PDE3A: variants seen among roughly 807,000 people sequenced by gnomAD.
PDE3A encodes the protein cGMP-inhibited 3',5'-cyclic phosphodiesterase 3A.
PDE3A carries 43 observed loss-of-function variants against 98.3 expected under a neutral mutation model. The ratio of observed to expected loss-of-function variants is 0.44; its 90% CI spans 0.34 to 0.56. PDE3A has a LOEUF of 0.56. Among genes scored for constraint, PDE3A ranks in the 20% least tolerant of loss-of-function variants. The probability of loss-of-function intolerance (pLI) is 0.01; values close to 1 mark genes in which losing one functional copy is unlikely to be tolerated. For missense variants in PDE3A, 1,427 were observed against 1,440.7 expected, an observed-to-expected ratio of 0.99 and a Z score of 0.15; for synonymous variants, 663 against 567.9, an observed-to-expected ratio of 1.17 and a Z score of -2.38.
chr12:20,391,495 C>T (rs1943915341), intron 1 of PDE3A, among the ~76,000 whole-genome samples: 1 of 151,112 alleles, frequency 6.6e-6, no homozygotes, highest in African/African-American at 2.4e-5. Flanking sequence ...TCTTTGCTCA[C>T]ATAGTTAAGT....
At chr12:20,477,199 C>T (rs541082627) in intron 1 of PDE3A, among the ~76,000 whole-genome samples, 11 of 152,216 alleles carry the variant, frequency 7.2e-5, no homozygotes, top group Admixed American at 1.3e-4. Flanking sequence ...CTTCAGTGTC[C>T]GTTGCATATA....
intron 1 of PDE3A, among the ~76,000 whole-genome samples, chr12:20,516,627 T>A (rs1035786891): frequency 5.9e-5 from 9 of 152,250 alleles, no homozygotes; most frequent in African/African-American, 2.2e-4. Flanking sequence ...TTTTTCAAGT[T>A]GCTTTCACTG....
chr12:20,519,982 T>C (rs1173863913), intron 1 of PDE3A, among the ~76,000 whole-genome samples: 2 of 152,176 alleles, frequency 1.3e-5, no homozygotes, highest in Non-Finnish European at 1.5e-5. Context: ...ATTTCAATGA[T>C]GATGCAGCTG....
intron 2 of PDE3A, among the ~76,000 whole-genome samples, chr12:20,594,603 G>A (rs746390888): frequency 8.6e-5 from 13 of 151,292 alleles, no homozygotes; most frequent in Non-Finnish European, 1.9e-4. Flanking sequence ...ATGAAATGAC[G>A]CTCATCTTTA....
intron 1 of PDE3A, among the ~76,000 whole-genome samples, chr12:20,529,432 A>G (rs1295938392): frequency 6.6e-6 from 1 of 152,144 alleles, no homozygotes; most frequent in African/African-American, 2.4e-5. Flanking sequence ...CCTAAGCCCT[A>G]ACACCTCAGA....
intron 1 of PDE3A, among the ~76,000 whole-genome samples, chr12:20,429,383 T>C (rs1384204128): frequency 6.6e-6 from 1 of 152,212 alleles, no homozygotes; most frequent in Admixed American, 6.5e-5. Context: ...TGCCTCAAAT[T>C]GTTCCCTGGG....
At chr12:20,441,949 C>A (rs1206930394) in intron 1 of PDE3A, among the ~76,000 whole-genome samples, 1 of 152,190 alleles carries the variant, frequency 6.6e-6, no homozygotes, top group African/African-American at 2.4e-5. Flanking sequence ...TTTGTAACTA[C>A]TTTCCTTTCT....
intron 1 of PDE3A, among the ~76,000 whole-genome samples, chr12:20,531,076 A>G (rs1028350839): frequency 6.6e-6 from 1 of 152,154 alleles, no homozygotes; most frequent in Non-Finnish European, 1.5e-5. Context: ...CTATCAGGAC[A>G]TAGTTATGAC....
Position 20,650,439 on chromosome 12 carries a change from A to T in PDE3A, c.2770-6A>T. The T allele has an allele frequency of 6.3e-7, 1 of 1,584,566 alleles. No individual in the cohort carries two copies. The highest frequency in any genetic ancestry group is 1.1e-5 in the South Asian group (1 of 88,200). The stretch of plus-strand genomic sequence containing the variant: ...AAAACATATATTAACTTTATCTCTC[A>T]AATAGGTAAATGATGATGTTGGAAT... On this transcript the variant is annotated splice_polypyrimidine_tract_variant and splice_region_variant and intron_variant, in intron 13 of 15. Coordinates refer to ENST00000359062, the MANE Select transcript of PDE3A (RefSeq NM_000921.5).
At chr12:20,386,229 A>AATATAAAAAATAAAAAT (rs369627240) in intron 1 of PDE3A, among the ~76,000 whole-genome samples, 1 of 108,524 alleles carries the variant, frequency 9.2e-6, no homozygotes, top group African/African-American at 3.7e-5. Flanking sequence ...ATAAAAAATA[A>AATATAAAAAATAAAAAT]AAATATAAAT....
intron 2 of PDE3A, among the ~76,000 whole-genome samples, chr12:20,593,749 T>C (rs776549807): frequency 6.6e-6 from 1 of 152,068 alleles, no homozygotes; most frequent in Non-Finnish European, 1.5e-5. Context: ...TTTTGGAAAG[T>C]TGAGTGTGAA....
intron 15 of PDE3A, among the ~76,000 whole-genome samples, chr12:20,679,024 G>A (rs1232194912): frequency 4.6e-5 from 7 of 152,130 alleles, no homozygotes; most frequent in Non-Finnish European, 7.3e-5. Flanking sequence ...AGGTACATAT[G>A]GAGTATCATG....
chr12:20,528,854 CAG>C (rs5796867), intron 1 of PDE3A, among the ~76,000 whole-genome samples: 81,131 of 151,640 alleles, frequency 0.54, 22,328 homozygotes, highest in South Asian at 0.62. Flanking sequence ...ATAGATGAAA[CAG>C]AGTATTTACA....
chr12:20,608,639 TC>T (rs554974283), intron 2 of PDE3A, among the ~76,000 whole-genome samples: 6 of 152,138 alleles, frequency 3.9e-5, no homozygotes, highest in Non-Finnish European at 7.4e-5. Flanking sequence ...TACTATTTTT[TC>T]TATATATACA....
intron 2 of PDE3A, among the ~76,000 whole-genome samples, chr12:20,596,992 G>T (rs371289154): frequency 6.6e-6 from 1 of 152,236 alleles, no homozygotes; most frequent in African/African-American, 2.4e-5. Flanking sequence ...TAGGGCTTCG[G>T]ATCCAGACTA....
chr12:20,621,474 C>G (rs762214131), intron 5 of PDE3A, 63 bp downstream of exon 5: 81 of 866,830 alleles, frequency 9.3e-5, no homozygotes, highest in Non-Finnish European at 1.4e-4. Flanking sequence ...TAAACCAGAC[C>G]TTAAGCGTTG....
intron 1 of PDE3A, among the ~76,000 whole-genome samples, chr12:20,455,798 G>T (rs1387004213): frequency 6.6e-6 from 1 of 152,060 alleles, no homozygotes; most frequent in Non-Finnish European, 1.5e-5. Context: ...TAAAAAGATT[G>T]GGAAAGGTCT....
rs761579427 is a variant in PDE3A at position 20,635,063 on chromosome 12, C to T, written c.2001+7C>T. 2 of 1,605,428 alleles carry T rather than the reference C, an allele frequency of 1.2e-6. No homozygotes were observed. The highest frequency in any genetic ancestry group is 1.7e-6 in the Non-Finnish European group (2 of 1,175,596). On this transcript the variant is annotated splice_region_variant and intron_variant, in intron 8 of 15. Transcript: ENST00000359062. ...TGAGACCATGATGTTTCTGGTAGTC[C>T]CATATCACTTAACTCACTCATTTAC...
intron 1 of PDE3A, among the ~76,000 whole-genome samples, chr12:20,497,093 C>G (rs551514934): frequency 7.2e-5 from 11 of 152,218 alleles, no homozygotes; most frequent in Admixed American, 7.2e-4. Flanking sequence ...TCCTTCTTCT[C>G]AAAAAGCCAG....
Sources: allele counts gnomAD v4.1 joint callset (sites outside exome capture counted in the v4.1 genomes callset), GRCh38; gene constraint gnomAD v4.1.1; transcripts MANE v1.5; gene names NCBI Gene and HGNC (gene_info 2026-07-23, HGNC 2026-07-21).